The following KCNJ3 variants were observed in gnomAD, a reference collection of about 807,000 sequenced individuals.
The protein encoded by KCNJ3 is potassium inwardly rectifying channel subfamily J member 3.
A neutral mutation model predicts 39.2 loss-of-function variants in KCNJ3; 4 were observed. That is an observed-to-expected ratio of 0.10 (90% CI 0.05 to 0.23). KCNJ3 has a LOEUF of 0.23. Among genes scored for constraint, KCNJ3 ranks in the 10% least tolerant of loss-of-function variants. The pLI is 1.00. For missense variants in KCNJ3, 276 were observed against 634.9 expected (o/e 0.43, Z 6.08); for synonymous variants, 230 against 237.4 (o/e 0.97, Z 0.29).
chr2:154,727,296 G>A (rs1377916932), intron 2 of KCNJ3, among the ~76,000 whole-genome samples: 3 of 152,074 alleles, frequency 2.0e-5, no homozygotes, highest in African/African-American at 7.2e-5. Flanking sequence ...TATGAAAAGA[G>A]CATGAATGGC....
chr2:154,800,488 T>A (rs949224619), intron 2 of KCNJ3, among the ~76,000 whole-genome samples: 2 of 152,198 alleles, frequency 1.3e-5, no homozygotes, highest in African/African-American at 4.8e-5. Flanking sequence ...TTGTAGTTTT[T>A]CTTCCAGTGA....
chr2:154,738,636 G>GA lies in KCNJ3; in HGVS notation c.919+28824dup, dbSNP rs1210333161. On this transcript the variant is annotated intron_variant, in intron 2 of 2. Transcript: ENST00000295101. ...GTAGACAATCTTAAATGTAACTGGA[G>GA]AAAAAAAGACACGTAAGTATAGAAT... Among the ~76,000 whole-genome samples, 3 of 151,788 alleles carry GA rather than the reference G, an allele frequency of 2.0e-5. No homozygotes were observed. The South Asian group carries it at 6.2e-4, about 32-fold the overall frequency.
At chr2:154,835,914 A>T (rs553400381) in intron 2 of KCNJ3, among the ~76,000 whole-genome samples, 15 of 152,302 alleles carry the variant, frequency 9.8e-5, no homozygotes, top group Non-Finnish European at 1.2e-4. Flanking sequence ...TCTTGATTTT[A>T]ACAGAATGCT....
At chr2:154,796,109 T>A (rs1686716050) in intron 2 of KCNJ3, among the ~76,000 whole-genome samples, 1 of 152,122 alleles carries the variant, frequency 6.6e-6, no homozygotes, top group African/African-American at 2.4e-5. Flanking sequence ...GTGAAGAGTG[T>A]CTTAACGAAG....
intron 2 of KCNJ3, among the ~76,000 whole-genome samples, chr2:154,848,424 A>G (rs1036174088): frequency 1.3e-5 from 2 of 152,208 alleles, no homozygotes; most frequent in African/African-American, 4.8e-5. Flanking sequence ...TGTAATTAAT[A>G]TCACCACTAT....
chr2:154,854,153 C>T (rs1056388825), intron 2 of KCNJ3, among the ~76,000 whole-genome samples: 6 of 152,038 alleles, frequency 3.9e-5, no homozygotes, highest in African/African-American at 7.2e-5. Context: ...AAAAGGTAAG[C>T]GTCCATTAAT....
chr2:154,847,341 A>G (rs1464443247), intron 2 of KCNJ3, among the ~76,000 whole-genome samples: 1 of 152,190 alleles, frequency 6.6e-6, no homozygotes, highest in East Asian at 1.9e-4. Context: ...TTAGTGTTAC[A>G]GTTAATATAT....
intron 2 of KCNJ3, among the ~76,000 whole-genome samples, chr2:154,766,651 G>A (rs537511207): frequency 1.1e-4 from 16 of 152,064 alleles, no homozygotes; most frequent in South Asian, 4.1e-4. Flanking sequence ...CCACCACCGG[G>A]TTCGACTGAT....
chr2:154,836,713 C>T (rs574544935), intron 2 of KCNJ3, among the ~76,000 whole-genome samples: 3 of 152,222 alleles, frequency 2.0e-5, no homozygotes, highest in East Asian at 3.9e-4. Context: ...ATTTATTTTT[C>T]ACTTAGGTTC....
chr2:154,778,907 C>T (rs1185078555), intron 2 of KCNJ3, among the ~76,000 whole-genome samples: 1 of 151,888 alleles, frequency 6.6e-6, no homozygotes, highest in Non-Finnish European at 1.5e-5. Flanking sequence ...AAACTTTTTA[C>T]GTTAGCACCA....
At chr2:154,754,271 C>CT (rs939829997) in intron 2 of KCNJ3, among the ~76,000 whole-genome samples, 1 of 152,016 alleles carries the variant, frequency 6.6e-6, no homozygotes, top group Non-Finnish European at 1.5e-5. Context: ...GTGAACATTT[C>CT]TTTTTTTCTT....
chr2:154,733,418 G>A (rs1171413221), intron 2 of KCNJ3, among the ~76,000 whole-genome samples: 1 of 151,940 alleles, frequency 6.6e-6, no homozygotes, highest in Admixed American at 6.6e-5. Context: ...AAACAAAAAT[G>A]AGTTTTCCTA....
intron 2 of KCNJ3, among the ~76,000 whole-genome samples, chr2:154,825,875 GTT>G (rs1343997724): frequency 2.2e-4 from 30 of 134,462 alleles, no homozygotes; most frequent in African/African-American, 7.7e-4. Context: ...CACTGCACCT[GTT>G]TTTTTTTTTT....
chr2:154,726,211 G>A (rs1209400745), intron 2 of KCNJ3, among the ~76,000 whole-genome samples: 1 of 152,032 alleles, frequency 6.6e-6, no homozygotes, highest in Non-Finnish European at 1.5e-5. Flanking sequence ...CGCAGACTAT[G>A]CATATGACAA....
chr2:154,780,577 T>A (rs1420389283), intron 2 of KCNJ3, among the ~76,000 whole-genome samples: 1 of 151,454 alleles, frequency 6.6e-6, no homozygotes, highest in African/African-American at 2.4e-5. Context: ...TAGTTATTAG[T>A]GCAGTGGGTT....
intron 2 of KCNJ3, among the ~76,000 whole-genome samples, chr2:154,755,874 A>G (rs1387233536): frequency 3.9e-5 from 6 of 152,108 alleles, no homozygotes; most frequent in Admixed American, 3.9e-4. Flanking sequence ...GTTACTTAAT[A>G]CAAGTTTCCT....
At position 154,850,333 on chromosome 2, in the gene KCNJ3, A is replaced by G. The variant is rs574348932; in HGVS notation, c.920-4394A>G. Among the ~76,000 whole-genome samples, 7 of 152,314 alleles carry G rather than the reference A, an allele frequency of 4.6e-5. No homozygotes were observed. In the South Asian group the frequency reaches 1.5e-3, roughly 32 times the overall value. ...AAAATAACTAATTAGAATAAGAAAT[A>G]TAAAGCATTCTAATTCTAGAAGGAA... On this transcript the variant is annotated intron_variant, in intron 2 of 2. Transcript: ENST00000295101.
Position 154,745,456 on chromosome 2 carries a change from T to C in KCNJ3, c.919+35637T>C, listed in dbSNP as rs147247266. On this transcript the variant is annotated intron_variant, in intron 2 of 2. Transcript: ENST00000295101. Reference sequence around the variant, plus strand: ...ATATCTTCTTGATGGATTGACTCTTTCATCATTATTTAATATACTTCTCTG... The same window carrying C: ...ATATCTTCTTGATGGATTGACTCTTCCATCATTATTTAATATACTTCTCTG... Among the ~76,000 whole-genome samples, 21 of 152,172 alleles carry C rather than the reference T, an allele frequency of 1.4e-4. No homozygotes were observed. In the East Asian group the frequency reaches 4.1e-3, roughly 29 times the overall value.
chr2:154,813,664 G>A (rs1687037060), intron 2 of KCNJ3, among the ~76,000 whole-genome samples: 1 of 152,234 alleles, frequency 6.6e-6, no homozygotes, highest in African/African-American at 2.4e-5. Flanking sequence ...TGTAAAATAT[G>A]TAATATAAAT....
Sources: allele counts gnomAD v4.1 joint callset (sites outside exome capture counted in the v4.1 genomes callset), GRCh38; gene constraint gnomAD v4.1.1; transcripts MANE v1.5; gene names NCBI Gene and HGNC (gene_info 2026-07-23, HGNC 2026-07-21).